The following NALCN variants were observed in gnomAD, a reference collection of about 807,000 sequenced individuals.
The protein encoded by NALCN is sodium leak channel NALCN.
Under a neutral mutation model 225.3 loss-of-function variants are expected in NALCN, and 111 were observed. That is an observed-to-expected ratio of 0.49 (90% CI 0.42 to 0.58). NALCN has a LOEUF of 0.58. NALCN is among the 20% of genes least tolerant of loss of function. The pLI, the probability that NALCN is intolerant of heterozygous loss-of-function variation, is 0.00. For synonymous variants in NALCN, 764 were observed against 769.0 expected, an observed-to-expected ratio of 0.99 and a Z score of 0.11; for missense variants, 1,378 against 2,202.4, an observed-to-expected ratio of 0.63 and a Z score of 7.49.
At chr13:101,059,778 C>G in intron 42 of NALCN, 40 bp downstream of exon 42, 1 of 1,587,900 alleles carries the variant, frequency 6.3e-7, no homozygotes, top group South Asian at 1.1e-5. Flanking sequence ...GAAAGAAGCC[C>G]ACAGAGTGTC....
intron 19 of NALCN, 102 bp downstream of exon 19, chr13:101,111,023 T>C: frequency 2.6e-6 from 3 of 1,154,652 alleles, no homozygotes; most frequent in Non-Finnish European, 3.7e-6. Flanking sequence ...GCCATGCCTG[T>C]CTGGCAGCCA....
rs957255842 is a variant in NALCN, at chr13:101,386,558, A to G, written c.292-7905T>C. On this transcript the variant is annotated intron_variant, in intron 3 of 43. Transcript: ENST00000251127. ...CTTATATTACATTTATATCTTAAAT[A>G]TCTTAAACATTTTCATATCTTACAT... is the stretch of plus-strand genomic sequence containing the variant. 3.3e-5 allele frequency among the ~76,000 whole-genome samples: 5 copies of G among 152,132 alleles called. No individual in the cohort carries two copies. In the South Asian group the frequency reaches 1.0e-3, roughly 31 times the overall value.
chr13:101,239,730 T>C (rs2041690194), intron 11 of NALCN, among the ~76,000 whole-genome samples: 1 of 152,106 alleles, frequency 6.6e-6, no homozygotes, highest in African/African-American at 2.4e-5. Flanking sequence ...TTATTGAGGC[T>C]TTCATATCTA....
intron 3 of NALCN, among the ~76,000 whole-genome samples, chr13:101,390,620 G>A (rs952979988): frequency 6.6e-6 from 1 of 151,994 alleles, no homozygotes; most frequent in African/African-American, 2.4e-5. Context: ...AACAATAAAG[G>A]GAAAGTCTCT....
Position 101,081,572 on chromosome 13 carries a change from C to T in NALCN, c.3840G>A (p.Val1280=). The T allele has an allele frequency of 6.2e-7, 1 of 1,614,160 alleles. No individual in the cohort carries two copies. Among genetic ancestry groups the T allele is most frequent in the East Asian group, 2.2e-5 (1 of 44,864 alleles). ...CCACCCATACAACGCCAAGCGACGT[C>T]ACCAGGAGATCGTATCGGTTTCTTC... ...QSRRNRYDLL[V]TSLGVVWVVL... Residue 1280 remains valine, a synonymous_variant, in exon 34 of 44, where the codon GTG becomes GTA. Transcript: ENST00000251127.
At chr13:101,217,287 G>A (rs543258069) in intron 13 of NALCN, among the ~76,000 whole-genome samples, 1 of 152,280 alleles carries the variant, frequency 6.6e-6, no homozygotes, top group South Asian at 2.1e-4. Context: ...GACCTGTACA[G>A]GCTGTTCCAG....
chr13:101,140,125 C>T (rs2036996602), intron 17 of NALCN, among the ~76,000 whole-genome samples: 1 of 152,196 alleles, frequency 6.6e-6, no homozygotes, highest in Non-Finnish European at 1.5e-5. Flanking sequence ...TTGCCACTCC[C>T]ATAATAGGGT....
At chr13:101,397,925 T>G (rs1265730886) in intron 2 of NALCN, among the ~76,000 whole-genome samples, 1 of 152,004 alleles carries the variant, frequency 6.6e-6, no homozygotes, top group Non-Finnish European at 1.5e-5. Flanking sequence ...GAGGAGGATT[T>G]GACTCATCAG....
chr13:101,295,272 T>G (rs907150685), intron 7 of NALCN, among the ~76,000 whole-genome samples: 2 of 152,172 alleles, frequency 1.3e-5, no homozygotes, highest in Non-Finnish European at 2.9e-5. Flanking sequence ...ATGAAACATA[T>G]TTTTAACATT....
chr13:101,220,034 G>A (rs1200785364), intron 13 of NALCN, among the ~76,000 whole-genome samples: 1 of 152,288 alleles, frequency 6.6e-6, no homozygotes, highest in East Asian at 1.9e-4. Context: ...GATTCAGGGT[G>A]AGTGCCCTCC....
At chr13:101,114,259 C>T (rs756914793) in intron 18 of NALCN, among the ~76,000 whole-genome samples, 10 of 152,134 alleles carry the variant, frequency 6.6e-5, no homozygotes, top group South Asian at 4.1e-4. Flanking sequence ...AACAATAATG[C>T]CTTTCCTTCT....
At chr13:101,265,970 A>G (rs989208887) in intron 10 of NALCN, among the ~76,000 whole-genome samples, 1 of 152,244 alleles carries the variant, frequency 6.6e-6, no homozygotes, top group Admixed American at 6.5e-5. Flanking sequence ...TTTTTCACAG[A>G]AAGATTTAAG....
intron 18 of NALCN, among the ~76,000 whole-genome samples, chr13:101,114,413 A>G (rs7986070): frequency 0.019 from 2,802 of 150,740 alleles, 84 homozygotes; most frequent in African/African-American, 0.063. Context: ...AACACTCTAC[A>G]TAGCATATTC....
chr13:101,089,751 A>AT lies in NALCN; in HGVS notation c.3400dup (p.Ile1134AsnfsTer25). On this transcript the variant is annotated frameshift_variant, in exon 30 of 44. Transcript: ENST00000251127. LOFTEE classifies it high-confidence loss of function. The surrounding 1 kb of genome is among the most constrained non-coding windows in gnomAD (Gnocchi z 4.7). ...CAGGAATACAAAAACATGAATATAG[A>AT]TTCCATGGATCTGCATAAAGGAAAA... 6.2e-7 allele frequency: 1 copy of AT among 1,614,070 alleles called. No homozygotes were observed. The highest frequency in any genetic ancestry group is 8.5e-7 in the Non-Finnish European group (1 of 1,179,926).
Position 101,073,607 on chromosome 13 carries a change from T to A in NALCN, c.4174A>T (p.Asn1392Tyr). ...LFRIVTGEDW[N>Y]KIMHDCMVQP... ...ACCATACAGTCATGCATAATCTTGT[T>A]CCAGTCTTCACCTGTGACAATTCGG... The change falls in exon 37 of 44, where the codon AAC becomes TAC. Residue 1392 changes from asparagine to tyrosine, a missense_variant. By Grantham distance (143) the Asn-to-Tyr change is moderately radical (BLOSUM62 -2). Coordinates refer to ENST00000251127, the MANE Select transcript of NALCN (RefSeq NM_052867.4). The A allele has an allele frequency of 6.2e-7, 1 of 1,613,642 alleles. No homozygotes were observed. The highest frequency in any genetic ancestry group is 8.5e-7 in the Non-Finnish European group (1 of 1,179,750).
chr13:101,214,438 G>A (rs1033465696), intron 13 of NALCN, among the ~76,000 whole-genome samples: 4 of 152,068 alleles, frequency 2.6e-5, no homozygotes, highest in Non-Finnish European at 5.9e-5. Context: ...AGAACTTAAA[G>A]TATAATTTTT....
At chr13:101,211,717 G>A (rs2040532993) in intron 13 of NALCN, among the ~76,000 whole-genome samples, 1 of 151,284 alleles carries the variant, frequency 6.6e-6, no homozygotes, top group African/African-American at 2.4e-5. Flanking sequence ...TTCTATTGCA[G>A]AGTCATGCTC....
At chr13:101,296,161 T>A (rs1275546597) in intron 7 of NALCN, among the ~76,000 whole-genome samples, 2 of 152,162 alleles carry the variant, frequency 1.3e-5, no homozygotes, top group African/African-American at 4.8e-5. Context: ...TCACTCGTCA[T>A]ACTGAATTCT....
chr13:101,171,620 A>G (rs1002574601), intron 15 of NALCN, among the ~76,000 whole-genome samples: 4 of 152,126 alleles, frequency 2.6e-5, no homozygotes, highest in Non-Finnish European at 5.9e-5. Flanking sequence ...AAGGCAATAG[A>G]GGAATTTCAT....
Sources: allele counts gnomAD v4.1 joint callset (sites outside exome capture counted in the v4.1 genomes callset), GRCh38; gene constraint gnomAD v4.1.1; non-coding constraint Gnocchi (gnomAD v3.1); transcripts MANE v1.5; gene names NCBI Gene and HGNC (gene_info 2026-07-23, HGNC 2026-07-21).